Variants in HDX observed in about 807,000 individuals in gnomAD.
HDX encodes highly divergent homeobox.
HDX carries 19 observed loss-of-function variants against 45.2 expected under a neutral mutation model. The observed-to-expected ratio is 0.42, with a 90% confidence interval of 0.29 to 0.62. The LOEUF (loss-of-function observed/expected upper bound fraction) is 0.62. HDX is among the 20% of genes least tolerant of loss of function. The probability of loss-of-function intolerance (pLI) is 0.20; values close to 1 mark genes in which losing one functional copy is unlikely to be tolerated. For synonymous variants in HDX, 188 were observed against 172.8 expected, an observed-to-expected ratio of 1.09 and a Z score of -0.69; for missense variants, 532 against 493.9, an observed-to-expected ratio of 1.08 and a Z score of -0.73.
chrX:84,433,161 C>T (rs186429954), intron 5 of HDX, among the ~76,000 whole-genome samples: 1 of 111,346 alleles, frequency 9.0e-6, no homozygotes, highest in Non-Finnish European at 1.9e-5. Context: ...TATGCAGAGA[C>T]GTTTTAGTTT....
In HDX at chrX:84,497,691, C is replaced by CTG. The variant is rs3085364; in HGVS notation, c.-110+4649_-110+4650dup. Among the ~76,000 whole-genome samples the CTG allele has an allele frequency of 2.3e-3, 242 of 103,894 alleles. 1 individual carries two copies. Among genetic ancestry groups the CTG allele is most frequent in the Non-Finnish European group, 3.7e-3 (187 of 50,862 alleles). The allele number at this position is 103,894 out of a possible 115,157, so 90.2% of individuals were successfully genotyped here. On this transcript the variant is annotated intron_variant, in intron 1 of 10. Coordinates refer to ENST00000373177, the MANE Select transcript of HDX (RefSeq NM_001177479.2). ...AGGGGAAAATATACATGTTATATGA[C>CTG]TGTGTGTGTGTGTGTGTGTGTGTAT...
At chrX:84,393,899 T>C (rs1409196116) in intron 5 of HDX, among the ~76,000 whole-genome samples, 5 of 110,821 alleles carry the variant, frequency 4.5e-5, no homozygotes, top group African/African-American at 1.6e-4. Context: ...TATTTGGTTC[T>C]TCTTTGTTTT....
chrX:84,371,430 C>T, intron 5 of HDX, among the ~76,000 whole-genome samples: 1 of 111,928 alleles, frequency 8.9e-6, no homozygotes, highest in East Asian at 2.8e-4. Context: ...AAGAAAAATA[C>T]AGGTGCTATG....
intron 4 of HDX, among the ~76,000 whole-genome samples, chrX:84,461,401 G>T (rs1239637806): frequency 9.0e-6 from 1 of 110,924 alleles, no homozygotes; most frequent in Non-Finnish European, 1.9e-5. Flanking sequence ...TGACAATATT[G>T]CCAAGAACAT....
At chrX:84,458,035 T>C (rs2040152804) in intron 4 of HDX, among the ~76,000 whole-genome samples, 2 of 111,887 alleles carry the variant, frequency 1.8e-5, no homozygotes, top group African/African-American at 6.5e-5. Flanking sequence ...ACACATTTCA[T>C]TGAAACATTT....
At chrX:84,499,701 G>T (rs1166309939) in intron 1 of HDX, among the ~76,000 whole-genome samples, 1 of 111,655 alleles carries the variant, frequency 9.0e-6, no homozygotes, top group African/African-American at 3.2e-5. Flanking sequence ...GTGATATTGG[G>T]ATGGTACCTC....
intron 5 of HDX, among the ~76,000 whole-genome samples, chrX:84,395,736 C>T (rs2038546532): frequency 9.0e-6 from 1 of 111,558 alleles, no homozygotes; most frequent in Admixed American, 9.5e-5. Context: ...TTATGGTGTT[C>T]CATATGTAAT....
At chrX:84,414,898 T>C (rs779142464) in intron 5 of HDX, among the ~76,000 whole-genome samples, 1 of 112,228 alleles carries the variant, frequency 8.9e-6, no homozygotes, top group South Asian at 3.7e-4. Flanking sequence ...GTACAATAAA[T>C]ATGCTAGTAT....
rs2039736247 is a variant in HDX, at chrX:84,440,474, T to C, written c.1305+58A>G. 5.9e-6 allele frequency: 5 copies of C among 840,919 alleles called. No homozygotes were observed. In the South Asian group the frequency reaches 8.6e-5, roughly 14 times the overall value. 69.3% of individuals were successfully genotyped at this position (840,919 alleles called of 1,213,427 possible). On this transcript the variant is annotated intron_variant, in intron 5 of 10. Transcript: ENST00000373177. ...AAATATGGCAATTTTCTCAATGGCA[T>C]TTTTACTAACAGCACAAGGGGAAAC...
intron 5 of HDX, among the ~76,000 whole-genome samples, chrX:84,417,573 C>T (rs1190330904): frequency 1.8e-5 from 2 of 112,344 alleles, no homozygotes; most frequent in Non-Finnish European, 3.8e-5. Flanking sequence ...TCTGGTTTCA[C>T]ACAGAATGCT....
At chrX:84,426,901 A>C (rs2039394329) in intron 5 of HDX, among the ~76,000 whole-genome samples, 1 of 110,752 alleles carries the variant, frequency 9.0e-6, no homozygotes, top group Non-Finnish European at 1.9e-5. Context: ...AAAACATCAC[A>C]TTATACACCT....
intron 6 of HDX, among the ~76,000 whole-genome samples, chrX:84,355,027 C>T (rs2037449006): frequency 1.0e-5 from 1 of 99,808 alleles, no homozygotes; most frequent in Admixed American, 1.1e-4. Context: ...TGAACTCAAC[C>T]CCAAGGTGCC....
chrX:84,417,264 G>A (rs2039136390), intron 5 of HDX, among the ~76,000 whole-genome samples: 1 of 108,193 alleles, frequency 9.2e-6, no homozygotes, highest in African/African-American at 3.3e-5. Context: ...GAAAGTCCCA[G>A]TCCTTGTTTC....
intron 5 of HDX, among the ~76,000 whole-genome samples, chrX:84,430,126 A>C (rs2039468702): frequency 9.0e-6 from 1 of 110,658 alleles, no homozygotes; most frequent in Admixed American, 9.7e-5. Flanking sequence ...AGTCTTATTT[A>C]GCTGTAATTT....
chrX:84,343,410 GCAACAACAACAACAAAT>G (rs1397446703), intron 7 of HDX, among the ~76,000 whole-genome samples: 3 of 110,237 alleles, frequency 2.7e-5, no homozygotes, highest in Non-Finnish European at 5.7e-5. Flanking sequence ...AACTAAAACA[GCAACAACAACAACAAAT>G]CAACAACAAC....
chrX:84,358,069 T>A (rs1022404910), intron 6 of HDX, among the ~76,000 whole-genome samples: 2 of 112,171 alleles, frequency 1.8e-5, no homozygotes, highest in Admixed American at 1.9e-4. Context: ...CAAACTGCCA[T>A]GCTAGCTGTA....
chrX:84,435,677 G>A (rs1198256782), intron 5 of HDX, among the ~76,000 whole-genome samples: 7 of 106,739 alleles, frequency 6.6e-5, no homozygotes, highest in Admixed American at 1.0e-4. Context: ...TTTTCTTCTA[G>A]GGTTTTTATG....
chrX:84,411,972 T>TTATA (rs1432382267), intron 5 of HDX, among the ~76,000 whole-genome samples: 3 of 111,595 alleles, frequency 2.7e-5, no homozygotes, highest in Non-Finnish European at 5.7e-5. Context: ...TTGTCTGAAA[T>TTATA]TATACTATCA....
intron 5 of HDX, among the ~76,000 whole-genome samples, chrX:84,434,681 C>T (rs1244232283): frequency 1.8e-5 from 2 of 111,344 alleles, no homozygotes; most frequent in Non-Finnish European, 3.8e-5. Context: ...ATGCTGGCCA[C>T]ATAGAATATG....
Sources: allele counts gnomAD v4.1 joint callset (sites outside exome capture counted in the v4.1 genomes callset), GRCh38; gene constraint gnomAD v4.1.1; transcripts MANE v1.5; gene names NCBI Gene and HGNC (gene_info 2026-07-23, HGNC 2026-07-21).